The following FGGY variants were observed in gnomAD, a reference collection of about 807,000 sequenced individuals.
FGGY encodes FGGY carbohydrate kinase domain-containing protein.
In FGGY, 72 loss-of-function variants were observed where a neutral mutation model predicts 71.3. The observed-to-expected ratio is 1.01, with a 90% CI of 0.84 to 1.23. The LOEUF (loss-of-function observed/expected upper bound fraction) is 1.23, where lower values mean the gene tolerates loss of function less well. Among genes scored for constraint, FGGY ranks in the 50% most tolerant of loss-of-function variants. The pLI is 0.00. For missense variants in FGGY, 668 were observed against 682.3 expected (o/e 0.98, Z 0.23); for synonymous variants, 251 against 250.3 (o/e 1.00, Z -0.02).
At chr1:59,447,681 G>C (rs919006132) in intron 5 of FGGY, among the ~76,000 whole-genome samples, 1 of 152,114 alleles carries the variant, frequency 6.6e-6, no homozygotes, top group Non-Finnish European at 1.5e-5. Flanking sequence ...GTTTTATAAG[G>C]GGGAAACCCC....
At chr1:59,533,470 C>T (rs1017811654) in intron 7 of FGGY, among the ~76,000 whole-genome samples, 21 of 152,198 alleles carry the variant, frequency 1.4e-4, no homozygotes, top group African/African-American at 1.9e-4. Flanking sequence ...GCAAAGCAGC[C>T]GGGAAGCTCG....
At chr1:59,649,009 C>T (rs1321927931) in intron 11 of FGGY, among the ~76,000 whole-genome samples, 1 of 151,566 alleles carries the variant, frequency 6.6e-6, no homozygotes, top group African/African-American at 2.4e-5. Context: ...AATAGGGAAT[C>T]CTTTCCCCAT....
chr1:59,367,518 C>T (rs193026494), intron 4 of FGGY, among the ~76,000 whole-genome samples: 152 of 152,286 alleles, frequency 1.0e-3, no homozygotes, highest in African/African-American at 3.6e-3. Flanking sequence ...GGAGCTGTTC[C>T]CTCCCTTTTG....
At chr1:59,505,478 A>G (rs1425187925) in intron 6 of FGGY, among the ~76,000 whole-genome samples, 1 of 152,114 alleles carries the variant, frequency 6.6e-6, no homozygotes, top group Non-Finnish European at 1.5e-5. Flanking sequence ...TCTCCCAGCC[A>G]ATCTGATTGG....
intron 8 of FGGY, among the ~76,000 whole-genome samples, chr1:59,591,773 T>G (rs1014880301): frequency 5.3e-5 from 8 of 152,220 alleles, no homozygotes; most frequent in African/African-American, 1.9e-4. Flanking sequence ...CCTTACACCT[T>G]ATACAAAAGT....
intron 3 of FGGY, among the ~76,000 whole-genome samples, chr1:59,341,253 A>T (rs1274774417): frequency 1.3e-5 from 2 of 152,218 alleles, no homozygotes; most frequent in African/African-American, 2.4e-5. Flanking sequence ...TGAGAGACTG[A>T]TACTTAAAAT....
At chr1:59,662,991 G>A (rs969665168) in intron 12 of FGGY, among the ~76,000 whole-genome samples, 1 of 152,196 alleles carries the variant, frequency 6.6e-6, no homozygotes, top group Admixed American at 6.5e-5. Context: ...AATCAGAGTG[G>A]TGTGATATTC....
intron 6 of FGGY, among the ~76,000 whole-genome samples, chr1:59,502,762 C>T (rs1558145755): frequency 6.6e-6 from 1 of 152,210 alleles, no homozygotes; most frequent in African/African-American, 2.4e-5. Flanking sequence ...AGGGAAGCCA[C>T]CTCCTTCTCT....
At chr1:59,601,232 C>T (rs2096574787) in intron 8 of FGGY, among the ~76,000 whole-genome samples, 1 of 152,202 alleles carries the variant, frequency 6.6e-6, no homozygotes. Flanking sequence ...TTGCCCCTGC[C>T]AGAGGCTTAG....
chr1:59,679,728 A>C (rs572938889), intron 14 of FGGY, among the ~76,000 whole-genome samples: 143 of 152,198 alleles, frequency 9.4e-4, no homozygotes, highest in Non-Finnish European at 1.7e-3. Context: ...ACAATGCATA[A>C]AGTTTTATCT....
chr1:59,606,098 C>T (rs2096621027), intron 8 of FGGY, among the ~76,000 whole-genome samples: 1 of 152,026 alleles, frequency 6.6e-6, no homozygotes, highest in South Asian at 2.1e-4. Flanking sequence ...TCTTTAAATG[C>T]TTTCCTTACT....
intron 5 of FGGY, among the ~76,000 whole-genome samples, chr1:59,390,727 A>G (rs1044780446): frequency 6.6e-6 from 1 of 152,206 alleles, no homozygotes; most frequent in Non-Finnish European, 1.5e-5. Context: ...GTGGGTAAAA[A>G]GACACTCAAA....
At chr1:59,314,923 T>C (rs79936181) in intron 1 of FGGY, among the ~76,000 whole-genome samples, 1 of 152,158 alleles carries the variant, frequency 6.6e-6, no homozygotes, top group African/African-American at 2.4e-5. Flanking sequence ...TCAGAGACTA[T>C]GTGTGTGATG....
intron 11 of FGGY, among the ~76,000 whole-genome samples, chr1:59,645,267 G>T (rs1158687665): frequency 6.6e-6 from 1 of 152,184 alleles, no homozygotes; most frequent in Non-Finnish European, 1.5e-5. Flanking sequence ...CAGACAGTAG[G>T]TGTTGGCACG....
chr1:59,471,173 A>G (rs896408859), intron 6 of FGGY, among the ~76,000 whole-genome samples: 13 of 151,618 alleles, frequency 8.6e-5, no homozygotes, highest in African/African-American at 1.9e-4. Flanking sequence ...TGTTTCCCCA[A>G]TGCTGTTCTC....
At position 59,326,021 on chromosome 1, in the gene FGGY, T is replaced by TTG. The variant is rs1469773307; in HGVS notation, c.201+4271_201+4272insTG. ...GGTTCCTTTATGGAGCCACAAATCT[T>TTG]AATCATTCCAAAAAGGTGAGAACAT... On this transcript the variant is annotated intron_variant, in intron 2 of 15. Transcript: ENST00000303721. Among the ~76,000 whole-genome samples, 4 of 152,372 alleles carry TTG rather than the reference T, an allele frequency of 2.6e-5. No individual in the cohort carries two copies. The East Asian group carries it at 5.8e-4, about 22-fold the overall frequency.
intron 10 of FGGY, among the ~76,000 whole-genome samples, chr1:59,627,609 A>C (rs1290543532): frequency 6.6e-6 from 1 of 151,760 alleles, no homozygotes; most frequent in African/African-American, 2.4e-5. Flanking sequence ...CTTGGAAGCA[A>C]TGACACGATA....
chr1:59,712,759 A>C (rs1003126552), intron 14 of FGGY, among the ~76,000 whole-genome samples: 1 of 151,878 alleles, frequency 6.6e-6, no homozygotes, highest in Non-Finnish European at 1.5e-5. Context: ...GGCCCACAAC[A>C]TCACTTTTTC....
At chr1:59,434,492 G>A (rs1572103486) in intron 5 of FGGY, among the ~76,000 whole-genome samples, 1 of 152,154 alleles carries the variant, frequency 6.6e-6, no homozygotes, top group East Asian at 1.9e-4. Flanking sequence ...GGTAGGGAGG[G>A]GCCCAAGGGA....
Sources: allele counts gnomAD v4.1 joint callset (sites outside exome capture counted in the v4.1 genomes callset), GRCh38; gene constraint gnomAD v4.1.1; transcripts MANE v1.5; gene names NCBI Gene and HGNC (gene_info 2026-07-23, HGNC 2026-07-21).